Variants in CNTN4 observed in about 807,000 individuals in gnomAD.
CNTN4 encodes contactin-4.
In CNTN4, 77 loss-of-function variants were observed where a neutral mutation model predicts 122.5. The observed-to-expected ratio is 0.63, with a 90% CI of 0.52 to 0.76. The LOEUF (loss-of-function observed/expected upper bound fraction) is 0.76, where lower values mean the gene tolerates loss of function less well. Ranked by LOEUF, CNTN4 falls within the 30% of genes least tolerant of loss-of-function variation. The pLI is 0.00. For missense variants in CNTN4, 1,256 were observed against 1,259.1 expected (o/e 1.00, Z 0.04); for synonymous variants, 512 against 447.0 (o/e 1.15, Z -1.83).
At chr3:2,496,115 A>G (rs930351876) in intron 3 of CNTN4, among the ~76,000 whole-genome samples, 2 of 152,230 alleles carry the variant, frequency 1.3e-5, no homozygotes, top group African/African-American at 2.4e-5. Flanking sequence ...TAGTTATAAA[A>G]CAAAAGAAAG....
chr3:2,707,025 C>A (rs867832486), intron 4 of CNTN4, among the ~76,000 whole-genome samples: 2 of 152,158 alleles, frequency 1.3e-5, no homozygotes, highest in South Asian at 4.1e-4. Context: ...TCAAGTCCCA[C>A]AGAGTGGCTC....
intron 3 of CNTN4, among the ~76,000 whole-genome samples, chr3:2,569,423 T>C (rs979630559): frequency 3.3e-5 from 5 of 152,200 alleles, no homozygotes; most frequent in Non-Finnish European, 7.3e-5. Context: ...TTCAGGTTAT[T>C]TTCAGCTTAA....
chr3:2,127,519 C>A (rs1022138124), intron 2 of CNTN4, among the ~76,000 whole-genome samples: 2 of 152,070 alleles, frequency 1.3e-5, no homozygotes, highest in Admixed American at 6.5e-5. Flanking sequence ...TCTCTTTTCT[C>A]TATTACTTTT....
In CNTN4 at chr3:3,057,670, C is replaced by T. The variant is rs1007785013; in HGVS notation, c.*1450C>T. Reference sequence around the variant, plus strand: ...TTTCAACCTTCTAGTTATATTTATCCAATAAAGTCATAATCGGGATTCCAT... The same window carrying T: ...TTTCAACCTTCTAGTTATATTTATCTAATAAAGTCATAATCGGGATTCCAT... On this transcript the variant is annotated 3_prime_UTR_variant, in exon 25 of 25. Coordinates refer to ENST00000418658, the MANE Select transcript of CNTN4 (RefSeq NM_175607.3). 6.6e-6 allele frequency: 1 copy of T among 152,374 alleles called. No individual in the cohort carries two copies. Among genetic ancestry groups the T allele is most frequent in the African/African-American group, 2.4e-5 (1 of 41,368 alleles). The allele number at this position is 152,374 out of a possible 1,614,324, so 9.4% of individuals were successfully genotyped here.
At chr3:2,978,366 C>T (rs1219577052) in intron 13 of CNTN4, among the ~76,000 whole-genome samples, 1 of 152,168 alleles carries the variant, frequency 6.6e-6, no homozygotes, top group Non-Finnish European at 1.5e-5. Flanking sequence ...TCAGGGTTCA[C>T]AGTCTCAAAG....
intron 2 of CNTN4, among the ~76,000 whole-genome samples, chr3:2,245,648 T>C (rs1002478790): frequency 6.6e-6 from 1 of 152,070 alleles, no homozygotes; most frequent in African/African-American, 2.4e-5. Context: ...TTTAGAACTC[T>C]TAGCATTTTG....
At chr3:2,840,686 G>A (rs35956489) in intron 7 of CNTN4, among the ~76,000 whole-genome samples, 29,317 of 146,878 alleles carry the variant, frequency 0.2, 3,998 homozygotes, top group Non-Finnish European at 0.3. Context: ...GCGACAGAGC[G>A]ACACTCCGTC....
intron 4 of CNTN4, among the ~76,000 whole-genome samples, chr3:2,693,812 T>C (rs2085870255): frequency 6.6e-6 from 1 of 152,178 alleles, no homozygotes; most frequent in Admixed American, 6.5e-5. Flanking sequence ...CAAGAATTCA[T>C]TGATAAACTG....
At chr3:2,445,330 C>G (rs1378734611) in intron 3 of CNTN4, among the ~76,000 whole-genome samples, 1 of 152,120 alleles carries the variant, frequency 6.6e-6, no homozygotes, top group East Asian at 1.9e-4. Flanking sequence ...ATTCCTCTCT[C>G]ATAATGGGTC....
chr3:2,434,270 T>C (rs2048182579), intron 3 of CNTN4, among the ~76,000 whole-genome samples: 1 of 152,190 alleles, frequency 6.6e-6, no homozygotes, highest in South Asian at 2.1e-4. Context: ...CACAAACATG[T>C]ATAATTATTA....
intron 2 of CNTN4, among the ~76,000 whole-genome samples, chr3:2,126,705 C>CTTCAAAACT (rs2034190200): frequency 6.6e-6 from 1 of 152,186 alleles, no homozygotes; most frequent in South Asian, 2.1e-4. Context: ...GAGAATATAA[C>CTTCAAAACT]TTCAAACCTG....
intron 13 of CNTN4, among the ~76,000 whole-genome samples, chr3:2,972,202 T>C (rs1331797603): frequency 6.6e-6 from 1 of 152,190 alleles, no homozygotes; most frequent in Non-Finnish European, 1.5e-5. Flanking sequence ...GGTTACCTAA[T>C]TTTTAAAAAG....
intron 2 of CNTN4, among the ~76,000 whole-genome samples, chr3:2,147,689 G>C (rs2035310226): frequency 6.6e-6 from 1 of 152,038 alleles, no homozygotes; most frequent in Non-Finnish European, 1.5e-5. Context: ...TTTCATATTA[G>C]TCACAGGCTC....
intron 6 of CNTN4, among the ~76,000 whole-genome samples, chr3:2,795,722 G>A (rs764297255): frequency 5.9e-5 from 9 of 151,690 alleles, no homozygotes; most frequent in Non-Finnish European, 1.3e-4. Flanking sequence ...TGGTTTCACC[G>A]TGTTAGCTAG....
chr3:2,894,790 C>A (rs1016322403), intron 10 of CNTN4, among the ~76,000 whole-genome samples: 2 of 152,098 alleles, frequency 1.3e-5, no homozygotes, highest in Admixed American at 6.6e-5. Flanking sequence ...CTGAGTAAAT[C>A]GGGCCCAACA....
At chr3:2,391,282 G>C (rs1484613164) in intron 3 of CNTN4, among the ~76,000 whole-genome samples, 1 of 152,118 alleles carries the variant, frequency 6.6e-6, no homozygotes, top group East Asian at 1.9e-4. Context: ...AGAGTCATTT[G>C]GTGTGTGCTG....
rs548242349 is a variant in CNTN4 at position 2,924,958 on chromosome 3, T to C, written c.1208-671T>C. Among the ~76,000 whole-genome samples the C allele has an allele frequency of 1.1e-4, 17 of 152,298 alleles. 3 individuals are homozygous for C. Among genetic ancestry groups the C allele is most frequent in the African/African-American group, 3.8e-4 (16 of 41,564 alleles). On this transcript the variant is annotated intron_variant, in intron 12 of 24. Transcript: ENST00000418658. ...TACACAATTAAAAAAAAAAATCTTATGGCGTTCCTAATTTTGTTTCTTTCC... is the reference window on the plus strand; with the variant it reads ...TACACAATTAAAAAAAAAAATCTTACGGCGTTCCTAATTTTGTTTCTTTCC...
chr3:2,793,554 A>G (rs74844337), intron 6 of CNTN4, among the ~76,000 whole-genome samples: 2,006 of 152,282 alleles, frequency 0.013, 37 homozygotes, highest in Non-Finnish European at 0.015. Context: ...GAAGCTGTCA[A>G]GAACCTCAGT....
chr3:3,002,909 A>C (rs1015094120), intron 14 of CNTN4, among the ~76,000 whole-genome samples: 3 of 152,196 alleles, frequency 2.0e-5, no homozygotes, highest in African/African-American at 7.2e-5. Flanking sequence ...AAAAATTACC[A>C]TTTAAATCGT....
Sources: allele counts gnomAD v4.1 joint callset (sites outside exome capture counted in the v4.1 genomes callset), GRCh38; gene constraint gnomAD v4.1.1; transcripts MANE v1.5; gene names NCBI Gene and HGNC (gene_info 2026-07-23, HGNC 2026-07-21).